The following CNTN4 variants were observed in gnomAD, a reference collection of about 807,000 sequenced individuals.
The protein encoded by CNTN4 is contactin 4.
A neutral mutation model predicts 122.5 loss-of-function variants in CNTN4; 77 were observed. The observed-to-expected ratio is 0.63, with a 90% CI of 0.52 to 0.76. The LOEUF is 0.76. Ranked by LOEUF, CNTN4 falls within the 30% of genes least tolerant of loss-of-function variation. The pLI, the probability that CNTN4 is intolerant of heterozygous loss-of-function variation, is 0.00. For missense variants in CNTN4, 1,256 were observed against 1,259.1 expected (o/e 1.00, Z 0.04); for synonymous variants, 512 against 447.0 (o/e 1.15, Z -1.83).
intron 13 of CNTN4, among the ~76,000 whole-genome samples, chr3:2,969,531 T>TTA (rs1559733423): frequency 6.9e-6 from 1 of 145,924 alleles, no homozygotes; most frequent in Non-Finnish European, 1.5e-5. Context: ...TTATTATTAT[T>TTA]ATTATTATTC....
intron 3 of CNTN4, among the ~76,000 whole-genome samples, chr3:2,478,163 A>C (rs1265456220): frequency 6.6e-6 from 1 of 152,174 alleles, no homozygotes; most frequent in Non-Finnish European, 1.5e-5. Flanking sequence ...CATTTTAAAG[A>C]AGGAAAATGC....
intron 2 of CNTN4, among the ~76,000 whole-genome samples, chr3:2,188,750 T>C (rs1408027791): frequency 1.3e-5 from 2 of 152,110 alleles, no homozygotes; most frequent in African/African-American, 4.8e-5. Flanking sequence ...GGGAAACAGG[T>C]TGCAGCTGAG....
At chr3:2,835,423 TTTC>T (rs1426330777) in intron 7 of CNTN4, among the ~76,000 whole-genome samples, 3 of 152,200 alleles carry the variant, frequency 2.0e-5, no homozygotes, top group African/African-American at 7.2e-5. Flanking sequence ...ATGATTGGCC[TTTC>T]TTAATGTAAA....
At chr3:2,816,311 G>A (rs1318408407) in intron 6 of CNTN4, among the ~76,000 whole-genome samples, 2 of 149,136 alleles carry the variant, frequency 1.3e-5, no homozygotes, top group Admixed American at 6.6e-5. Context: ...CCGAGATCGT[G>A]GCACTGCACT....
chr3:2,491,681 T>C lies in CNTN4; in HGVS notation c.-88-79735T>C, dbSNP rs2076320704. 2.0e-5 allele frequency among the ~76,000 whole-genome samples: 3 copies of C among 152,212 alleles called. No individual in the cohort carries two copies. In the South Asian group the frequency reaches 6.2e-4, roughly 31 times the overall value. On this transcript the variant is annotated intron_variant, in intron 3 of 24. Transcript: ENST00000418658. The stretch of plus-strand genomic sequence containing the variant: ...ATCCAACCTGTATTTTCGTGTGTAG[T>C]TCAAATCTCTTTAATTATAGTTTTC...
At chr3:2,278,502 T>G (rs1227165856) in intron 2 of CNTN4, among the ~76,000 whole-genome samples, 1 of 152,172 alleles carries the variant, frequency 6.6e-6, no homozygotes, top group Non-Finnish European at 1.5e-5. Flanking sequence ...ACGACTAATC[T>G]CAGAATGTAA....
chr3:2,579,444 G>A (rs2079838535), intron 4 of CNTN4, among the ~76,000 whole-genome samples: 1 of 152,138 alleles, frequency 6.6e-6, no homozygotes, highest in Admixed American at 6.5e-5. Flanking sequence ...AGAGCTGGCG[G>A]TTGAGAATAT....
intron 3 of CNTN4, among the ~76,000 whole-genome samples, chr3:2,527,436 T>TGCTGCTGC (rs34375682): frequency 0.082 from 12,125 of 147,778 alleles, 1 homozygote; most frequent in Non-Finnish European, 0.11. Context: ...GCTGCTGCTG[T>TGCTGCTGC]TGCTGTTATT....
intron 4 of CNTN4, among the ~76,000 whole-genome samples, chr3:2,591,425 C>T (rs534760254): frequency 1.9e-4 from 8 of 41,346 alleles, no homozygotes; most frequent in African/African-American, 5.3e-4. Context: ...AGTGCAGTGG[C>T]GGGATCTCGG....
At chr3:2,118,706 T>G (rs2033534902) in intron 2 of CNTN4, among the ~76,000 whole-genome samples, 1 of 152,204 alleles carries the variant, frequency 6.6e-6, no homozygotes, top group Non-Finnish European at 1.5e-5. Context: ...TTGGTTCCTC[T>G]GGCCAGAAAT....
At chr3:2,154,886 C>T (rs934776040) in intron 2 of CNTN4, among the ~76,000 whole-genome samples, 1 of 152,228 alleles carries the variant, frequency 6.6e-6, no homozygotes, top group Non-Finnish European at 1.5e-5. Flanking sequence ...ACTAGAATCT[C>T]TATCTGTATG....
chr3:3,025,193 A>C (rs1171543372), intron 14 of CNTN4, among the ~76,000 whole-genome samples: 2 of 152,192 alleles, frequency 1.3e-5, no homozygotes, highest in Admixed American at 1.3e-4. Flanking sequence ...TGTCTCAGCT[A>C]AGCAAGCCCA....
chr3:2,575,825 T>C (rs891924404), intron 4 of CNTN4, among the ~76,000 whole-genome samples: 2 of 142,660 alleles, frequency 1.4e-5, no homozygotes, highest in South Asian at 2.4e-4. Context: ...TTTTTTTTTT[T>C]TTTTTTTTTT....
chr3:2,513,394 C>T lies in CNTN4; in HGVS notation c.-88-58022C>T, dbSNP rs142675400. ...TTTTAAGAGGGATTTATGGATTTTT[C>T]TGTTCAGAAATAGGATTAGTTAAGG... is the stretch of plus-strand genomic sequence containing the variant. On this transcript the variant is annotated intron_variant, in intron 3 of 24. Transcript: ENST00000418658. 4.6e-5 allele frequency among the ~76,000 whole-genome samples: 7 copies of T among 151,844 alleles called. No individual in the cohort carries two copies. The East Asian group carries it at 9.6e-4, about 21-fold the overall frequency.
chr3:2,506,332 C>T lies in CNTN4; in HGVS notation c.-88-65084C>T, dbSNP rs143623367. On this transcript the variant is annotated intron_variant, in intron 3 of 24. Coordinates refer to ENST00000418658, the MANE Select transcript of CNTN4 (RefSeq NM_175607.3). ...AGCTCAGTACCAGAGCCGAAGAGTC[C>T]GTGGAGCACCACGTTAGTGAAAAAG... 2.2e-3 allele frequency among the ~76,000 whole-genome samples: 335 copies of T among 152,278 alleles called. 3 individuals are homozygous for T. Among genetic ancestry groups the T allele is most frequent in the African/African-American group, 7.6e-3 (314 of 41,568 alleles).
Position 3,037,196 on chromosome 3 carries a change from G to A in CNTN4, c.1960G>A (p.Gly654Arg), listed in dbSNP as rs1699686850. 2 of 1,614,066 alleles carry A rather than the reference G, an allele frequency of 1.2e-6. No individual in the cohort carries two copies. The highest frequency in any genetic ancestry group is 1.3e-5 in the African/African-American group (1 of 74,924). Reference protein sequence around the residue: ...AVSTVPELIDGKTFTATVVGL... With the variant: ...AVSTVPELIDRKTFTATVVGL... ...TCTTTCAGTCCCAGAACTCATTGAT[G>A]GGAAGACATTCACAGCGACCGTGGT... The change falls in exon 18 of 25, where the codon GGG becomes AGG. Residue 654 changes from glycine to arginine, a missense_variant. Physicochemically the swap from Gly to Arg is moderately radical, Grantham distance 125. Coordinates refer to ENST00000418658, the MANE Select transcript of CNTN4 (RefSeq NM_175607.3).
chr3:2,289,002 G>T (rs950275181), intron 2 of CNTN4, among the ~76,000 whole-genome samples: 2 of 152,074 alleles, frequency 1.3e-5, no homozygotes, highest in Non-Finnish European at 2.9e-5. Flanking sequence ...AGGTCTGAAA[G>T]GCCTTAAAAA....
At chr3:2,791,741 G>A (rs931301774) in intron 6 of CNTN4, among the ~76,000 whole-genome samples, 4 of 152,174 alleles carry the variant, frequency 2.6e-5, no homozygotes, top group African/African-American at 9.7e-5. Context: ...CCGAAACTTA[G>A]TAGGAATGCA....
intron 4 of CNTN4, among the ~76,000 whole-genome samples, chr3:2,609,620 T>C (rs1317096638): frequency 1.3e-5 from 2 of 152,178 alleles, no homozygotes; most frequent in African/African-American, 4.8e-5. Flanking sequence ...CTAAAGTTAA[T>C]TAAACATTAT....
Sources: allele counts gnomAD v4.1 joint callset (sites outside exome capture counted in the v4.1 genomes callset), GRCh38; gene constraint gnomAD v4.1.1; transcripts MANE v1.5; gene names NCBI Gene and HGNC (gene_info 2026-07-23, HGNC 2026-07-21).